GRM8: variants seen among roughly 807,000 people sequenced by gnomAD.
GRM8 encodes glutamate metabotropic receptor 8, also known as metabotropic glutamate receptor 8.
In GRM8, 47 loss-of-function variants were observed where a neutral mutation model predicts 87.2. The observed-to-expected ratio is 0.54, with a 90% CI of 0.43 to 0.69. The LOEUF is 0.69. Among genes scored for constraint, GRM8 ranks in the 30% least tolerant of loss-of-function variants. GRM8 has a pLI of 0.00. For synonymous variants in GRM8, 396 were observed against 404.5 expected (o/e 0.98, Z 0.25); for missense variants, 1,019 against 1,139.2 (o/e 0.89, Z 1.52).
chr7:127,116,256 G>C (rs1826693387), intron 2 of GRM8, among the ~76,000 whole-genome samples: 1 of 152,176 alleles, frequency 6.6e-6, no homozygotes, highest in Non-Finnish European at 1.5e-5. Context: ...AGTACTCTGT[G>C]ATTCTAAAAA....
At chr7:126,454,094 A>G (rs1802949837) in intron 9 of GRM8, among the ~76,000 whole-genome samples, 1 of 151,810 alleles carries the variant, frequency 6.6e-6, no homozygotes, top group Non-Finnish European at 1.5e-5. Context: ...CAGGTAGAGA[A>G]CAAATAAATA....
chr7:126,581,495 T>C (rs1795600479), intron 8 of GRM8, among the ~76,000 whole-genome samples: 1 of 152,090 alleles, frequency 6.6e-6, no homozygotes, highest in African/African-American at 2.4e-5. Flanking sequence ...AATGAATAAG[T>C]TCATGCCTGT....
At chr7:126,495,801 A>C (rs779803332) in intron 9 of GRM8, among the ~76,000 whole-genome samples, 1 of 152,002 alleles carries the variant, frequency 6.6e-6, no homozygotes, top group African/African-American at 2.4e-5. Flanking sequence ...CTTCTTAAGC[A>C]CATATTTAAA....
intron 9 of GRM8, among the ~76,000 whole-genome samples, chr7:126,510,247 A>G (rs949063135): frequency 6.6e-6 from 1 of 151,554 alleles, no homozygotes; most frequent in Non-Finnish European, 1.5e-5. Context: ...ACTGGACACT[A>G]TCCATGGCTC....
intron 7 of GRM8, among the ~76,000 whole-genome samples, chr7:126,728,480 G>A (rs997094612): frequency 6.6e-6 from 1 of 152,072 alleles, no homozygotes. Context: ...TTGGAGCTTT[G>A]TGTTCCAATT....
At chr7:127,048,950 G>A (rs534472106) in intron 3 of GRM8, among the ~76,000 whole-genome samples, 6 of 152,190 alleles carry the variant, frequency 3.9e-5, no homozygotes, top group Admixed American at 1.3e-4. Context: ...AAGTTTTCAC[G>A]TATTAGATTT....
At chr7:127,108,636 G>C (rs113197007) in intron 2 of GRM8, among the ~76,000 whole-genome samples, 33 of 152,312 alleles carry the variant, frequency 2.2e-4, no homozygotes, top group African/African-American at 7.7e-4. Flanking sequence ...CAGAAAGTGT[G>C]AAAATTGAGT....
intron 7 of GRM8, among the ~76,000 whole-genome samples, chr7:126,729,832 C>A (rs1188916526): frequency 6.6e-6 from 1 of 152,032 alleles, no homozygotes; most frequent in African/African-American, 2.4e-5. Context: ...AGTATTGAGG[C>A]AAAAGTAAAG....
At chr7:127,106,458 C>T (rs376453658) in intron 3 of GRM8, 38 bp downstream of exon 3, 71 of 1,519,080 alleles carry the variant, frequency 4.7e-5, no homozygotes, top group Non-Finnish European at 6.5e-5. Context: ...AGCAATCTGT[C>T]ACCTCCAAAT....
intron 6 of GRM8, among the ~76,000 whole-genome samples, chr7:126,899,222 C>T (rs1031090915): frequency 6.6e-6 from 1 of 151,660 alleles, no homozygotes; most frequent in Admixed American, 6.6e-5. Context: ...CAAACAATAA[C>T]ATTCAGAACT....
chr7:126,888,033 A>G (rs1268022371), intron 6 of GRM8, among the ~76,000 whole-genome samples: 2 of 152,150 alleles, frequency 1.3e-5, no homozygotes, highest in African/African-American at 4.8e-5. Flanking sequence ...GTAGGTGAGC[A>G]TCCTAAGTCA....
chr7:126,486,365 G>A (rs972275537), intron 9 of GRM8, among the ~76,000 whole-genome samples: 4 of 152,004 alleles, frequency 2.6e-5, no homozygotes, highest in Non-Finnish European at 2.9e-5. Flanking sequence ...CAGTATGCAT[G>A]TGTCAGGACT....
intron 9 of GRM8, among the ~76,000 whole-genome samples, chr7:126,462,260 G>A (rs1199206709): frequency 1.4e-5 from 2 of 147,660 alleles, no homozygotes; most frequent in Non-Finnish European, 3.0e-5. Flanking sequence ...AGCACATCTA[G>A]CTATTATCAG....
intron 6 of GRM8, among the ~76,000 whole-genome samples, chr7:126,774,364 A>G (rs1585879032): frequency 6.6e-6 from 1 of 152,274 alleles, no homozygotes; most frequent in South Asian, 2.1e-4. Flanking sequence ...AAATTTCATT[A>G]TGCTATAGTT....
At chr7:126,986,758 T>C (rs745704851) in intron 3 of GRM8, among the ~76,000 whole-genome samples, 2 of 152,206 alleles carry the variant, frequency 1.3e-5, no homozygotes, top group Admixed American at 6.5e-5. Context: ...ATTACCTCCA[T>C]TGACTTAGAA....
chr7:126,849,932 G>A (rs893767738), intron 6 of GRM8, among the ~76,000 whole-genome samples: 1 of 152,128 alleles, frequency 6.6e-6, no homozygotes, highest in Non-Finnish European at 1.5e-5. Flanking sequence ...TGGATTGTTT[G>A]TCCAATCAGT....
At chr7:127,095,073 C>T (rs1488078223) in intron 3 of GRM8, among the ~76,000 whole-genome samples, 1 of 152,180 alleles carries the variant, frequency 6.6e-6, no homozygotes, top group African/African-American at 2.4e-5. Context: ...ACCCTTCAAC[C>T]CAGTCAGGTA....
chr7:126,664,764 T>G (rs995753675), intron 7 of GRM8, among the ~76,000 whole-genome samples: 1 of 152,044 alleles, frequency 6.6e-6, no homozygotes, highest in Non-Finnish European at 1.5e-5. Flanking sequence ...AAAATAACAA[T>G]CAATAACTAG....
intron 10 of GRM8, among the ~76,000 whole-genome samples, chr7:126,444,574 T>C (rs117525150): frequency 6.6e-6 from 1 of 152,170 alleles, no homozygotes; most frequent in Non-Finnish European, 1.5e-5. Flanking sequence ...GGTAAGCTGA[T>C]AGTAACTGAA....
Sources: allele counts gnomAD v4.1 joint callset (sites outside exome capture counted in the v4.1 genomes callset), GRCh38; gene constraint gnomAD v4.1.1; transcripts MANE v1.5; gene names NCBI Gene and HGNC (gene_info 2026-07-23, HGNC 2026-07-21).